NOL10: variants seen among roughly 807,000 people sequenced by gnomAD.
NOL10 encodes the protein H_NH0074G24.1.
Under a neutral mutation model 103.5 loss-of-function variants are expected in NOL10, and 58 were observed. The ratio of observed to expected loss-of-function variants is 0.56; its 90% CI spans 0.45 to 0.70. The LOEUF (loss-of-function observed/expected upper bound fraction) is 0.70, where lower values mean the gene tolerates loss of function less well. NOL10 is among the 30% of genes least tolerant of loss of function. The pLI is 0.00. For synonymous variants in NOL10, 287 were observed against 282.5 expected, an observed-to-expected ratio of 1.02 and a Z score of -0.16; for missense variants, 763 against 807.3, an observed-to-expected ratio of 0.95 and a Z score of 0.67.
At chr2:10,578,470 CTCATT>C (rs1198128160) in intron 19 of NOL10, among the ~76,000 whole-genome samples, 1 of 152,192 alleles carries the variant, frequency 6.6e-6, no homozygotes, top group Non-Finnish European at 1.5e-5. Flanking sequence ...AAATTTAAAT[CTCATT>C]TCATTTCTTG....
chr2:10,629,103 A>T (rs1677671076), intron 13 of NOL10, among the ~76,000 whole-genome samples: 1 of 142,266 alleles, frequency 7.0e-6, no homozygotes, highest in African/African-American at 2.6e-5. Flanking sequence ...CCCTACATAC[A>T]CCTCCCTCCC....
chr2:10,667,385 G>T, intron 7 of NOL10, 107 bp from the exon 8 acceptor site: 1 of 795,976 alleles, frequency 1.3e-6, no homozygotes, highest in Non-Finnish European at 2.1e-6. Flanking sequence ...GTAGAAAGAA[G>T]ACACACAGAT....
intron 17 of NOL10, among the ~76,000 whole-genome samples, chr2:10,596,615 G>T (rs935228726): frequency 1.3e-5 from 2 of 152,170 alleles, no homozygotes; most frequent in African/African-American, 4.8e-5. Flanking sequence ...GGGAGTGGCT[G>T]TAAATACAGA....
At chr2:10,620,537 T>TC (rs1169998415) in intron 13 of NOL10, among the ~76,000 whole-genome samples, 1 of 151,846 alleles carries the variant, frequency 6.6e-6, no homozygotes, top group Non-Finnish European at 1.5e-5. Flanking sequence ...TCCCATATGT[T>TC]CCCCCAAATA....
chr2:10,663,124 T>A, intron 8 of NOL10, 80 bp from the exon 9 acceptor site: 1 of 1,169,412 alleles, frequency 8.6e-7, no homozygotes, highest in Non-Finnish European at 1.3e-6. Flanking sequence ...CCCAGCACTT[T>A]GGGAGGCCGA....
chr2:10,605,091 A>G (rs1228957019), intron 14 of NOL10, among the ~76,000 whole-genome samples: 1 of 152,212 alleles, frequency 6.6e-6, no homozygotes, highest in Non-Finnish European at 1.5e-5. Flanking sequence ...CCCATTTTAC[A>G]TATGAGGAAA....
At chr2:10,644,258 A>T (rs1678908978) in intron 13 of NOL10, 62 bp downstream of exon 13, 1 of 1,244,342 alleles carries the variant, frequency 8.0e-7, no homozygotes, top group Non-Finnish European at 1.1e-6. Flanking sequence ...AAAATTAAAT[A>T]AATAATAAAA....
At chr2:10,575,230 G>A (rs1223061550) in intron 20 of NOL10, among the ~76,000 whole-genome samples, 1 of 152,150 alleles carries the variant, frequency 6.6e-6, no homozygotes, top group Non-Finnish European at 1.5e-5. Flanking sequence ...TCCCAGTTTT[G>A]CCACTATACA....
chr2:10,630,775 G>A (rs565735047), intron 13 of NOL10, among the ~76,000 whole-genome samples: 2 of 152,224 alleles, frequency 1.3e-5, no homozygotes, highest in East Asian at 1.9e-4. Context: ...ATTAAGGGCT[G>A]GACTAGATGA....
At position 10,636,271 on chromosome 2, in the gene NOL10, T is replaced by C. The variant is rs139576801; in HGVS notation, c.1026+8049A>G. On this transcript the variant is annotated intron_variant, in intron 13 of 20. Coordinates refer to ENST00000381685, the MANE Select transcript of NOL10 (RefSeq NM_024894.4). ...AACAACATATACTCTGGATAGCTGATAAAATATGGCATCTTTGGCCGGGCA... is the reference window on the plus strand; with the variant it reads ...AACAACATATACTCTGGATAGCTGACAAAATATGGCATCTTTGGCCGGGCA... Among the ~76,000 whole-genome samples, 765 of 152,018 alleles carry C rather than the reference T, an allele frequency of 5.0e-3. 8 individuals are homozygous for C. Among genetic ancestry groups the C allele is most frequent in the African/African-American group, 0.018 (732 of 41,470 alleles).
intron 13 of NOL10, among the ~76,000 whole-genome samples, chr2:10,620,326 C>G (rs1677068377): frequency 6.6e-6 from 1 of 151,794 alleles, no homozygotes; most frequent in Non-Finnish European, 1.5e-5. Context: ...GGAAACTCGG[C>G]AGAAAAAAAG....
chr2:10,680,209 G>A lies in NOL10; in HGVS notation c.211+1762C>T, dbSNP rs1242362306. On this transcript the variant is annotated intron_variant, in intron 3 of 20. Coordinates refer to ENST00000381685, the MANE Select transcript of NOL10 (RefSeq NM_024894.4). ...GGAGAATCGCTTGAACCCGGAAGGC[G>A]GAGGTTGCAGTCAGCCAAAATCATG... Among the ~76,000 whole-genome samples the A allele has an allele frequency of 3.9e-5, 6 of 151,910 alleles. No homozygotes were observed. In the East Asian group the frequency reaches 1.2e-3, roughly 30 times the overall value.
At chr2:10,680,666 T>C (rs1403322955) in intron 3 of NOL10, among the ~76,000 whole-genome samples, 2 of 152,192 alleles carry the variant, frequency 1.3e-5, no homozygotes, top group East Asian at 1.9e-4. Flanking sequence ...GAGATGTAGA[T>C]AGTGTTAGTT....
intron 13 of NOL10, among the ~76,000 whole-genome samples, chr2:10,626,796 T>C (rs1019679998): frequency 3.9e-5 from 6 of 152,220 alleles, no homozygotes; most frequent in African/African-American, 1.4e-4. Flanking sequence ...ACATGCCAGA[T>C]GTAAGACTAT....
At chr2:10,618,884 T>C (rs1336850975) in intron 13 of NOL10, among the ~76,000 whole-genome samples, 4 of 152,212 alleles carry the variant, frequency 2.6e-5, no homozygotes, top group Non-Finnish European at 5.9e-5. Flanking sequence ...CAAAAATATA[T>C]ACAAAATCAA....
At chr2:10,593,595 T>A (rs1308006820) in intron 17 of NOL10, among the ~76,000 whole-genome samples, 1 of 151,776 alleles carries the variant, frequency 6.6e-6, no homozygotes, top group Non-Finnish European at 1.5e-5. Flanking sequence ...CATAAACCCT[T>A]AAGAAAAAAA....
rs950040086 is a variant in NOL10, at chr2:10,667,150, T to C, written c.591+68A>G. 9.5e-6 allele frequency: 11 copies of C among 1,157,744 alleles called. No homozygotes were observed. In the East Asian group the frequency reaches 2.6e-4, roughly 27 times the overall value. 71.7% of individuals were successfully genotyped at this position (1,157,744 alleles called of 1,614,324 possible). ...TGCTCTAAGGAATCAAGCAACTCAG[T>C]CTTTAAATAAAAATTCCAATCAAAT... On this transcript the variant is annotated intron_variant, in intron 8 of 20. Coordinates refer to ENST00000381685, the MANE Select transcript of NOL10 (RefSeq NM_024894.4).
chr2:10,621,660 A>G (rs141608060), intron 13 of NOL10, among the ~76,000 whole-genome samples: 7 of 152,294 alleles, frequency 4.6e-5, no homozygotes, highest in African/African-American at 1.7e-4. Flanking sequence ...GATGCACAGT[A>G]AGGTCGACAG....
chr2:10,632,602 T>C (rs1332392267), intron 13 of NOL10, among the ~76,000 whole-genome samples: 1 of 152,218 alleles, frequency 6.6e-6, no homozygotes, highest in Non-Finnish European at 1.5e-5. Flanking sequence ...TTATGTCTGG[T>C]GGACAGTTTA....
Sources: gnomAD v4.1 joint callset for allele counts (sites outside exome capture counted in the v4.1 genomes callset) on GRCh38, gnomAD v4.1.1 for gene constraint, MANE v1.5 for transcripts, NCBI Gene and HGNC (gene_info 2026-07-23, HGNC 2026-07-21) for gene names.